Variants in GNPTAB observed in about 807,000 individuals in gnomAD.
GNPTAB encodes the protein N-acetylglucosamine-1-phosphotransferase subunits alpha/beta.
GNPTAB carries 92 observed loss-of-function variants against 136.6 expected under a neutral mutation model. The observed-to-expected ratio is 0.67, with a 90% CI of 0.57 to 0.80. GNPTAB has a LOEUF of 0.80. Ranked by LOEUF, GNPTAB falls within the 30% of genes least tolerant of loss-of-function variation. The probability of loss-of-function intolerance (pLI) is 0.00; values close to 1 mark genes in which losing one functional copy is unlikely to be tolerated. For missense variants in GNPTAB, 1,343 were observed against 1,501.8 expected, an observed-to-expected ratio of 0.89 and a Z score of 1.75; for synonymous variants, 512 against 535.1, an observed-to-expected ratio of 0.96 and a Z score of 0.60.
intron 1 of GNPTAB, among the ~76,000 whole-genome samples, chr12:101,800,604 CAAAAAAAA>C (rs58129963): frequency 2.8e-4 from 21 of 74,272 alleles, no homozygotes; most frequent in Admixed American, 6.8e-4. Flanking sequence ...ACTAAAAATA[CAAAAAAAA>C]AAAAAAAAAA....
chr12:101,793,389 A>C (rs1199536058), intron 2 of GNPTAB, among the ~76,000 whole-genome samples: 1 of 152,176 alleles, frequency 6.6e-6, no homozygotes, highest in Non-Finnish European at 1.5e-5. Flanking sequence ...CTTTCCTGTA[A>C]CTAAATATTT....
chr12:101,754,304 G>A (rs1480339633), intron 18 of GNPTAB, among the ~76,000 whole-genome samples: 2 of 152,050 alleles, frequency 1.3e-5, no homozygotes, highest in African/African-American at 2.4e-5. Context: ...TGGCATGCCT[G>A]TAATCCCAGC....
At chr12:101,749,854 C>T (rs983709294) in intron 19 of GNPTAB, among the ~76,000 whole-genome samples, 2 of 152,106 alleles carry the variant, frequency 1.3e-5, no homozygotes, top group Admixed American at 6.6e-5. Flanking sequence ...CAGGTGAAGG[C>T]GAGAGGGTAT....
Position 101,780,158 on chromosome 12 carries a change from G to C in GNPTAB, c.765C>G (p.Val255=), listed in dbSNP as rs768237599. 6.2e-7 allele frequency: 1 copy of C among 1,613,064 alleles called. No homozygotes were observed. The highest frequency in any genetic ancestry group is 8.5e-7 in the Non-Finnish European group (1 of 1,179,064). The change falls in exon 7 of 21, where the codon GTC becomes GTG. Residue 255 remains valine, a synonymous_variant. Coordinates refer to ENST00000299314, the MANE Select transcript of GNPTAB (RefSeq NM_024312.5). ...CTATTTTCTATGTTCTTACCAGTTT[G>C]ACTTTAGAGGAAAGATTTTCTGGCA... ...TKLPENLSSK[V]KLLQLYSEAS...
At chr12:101,821,961 A>G (rs1405609810) in intron 1 of GNPTAB, among the ~76,000 whole-genome samples, 1 of 152,198 alleles carries the variant, frequency 6.6e-6, no homozygotes, top group Non-Finnish European at 1.5e-5. Context: ...TGAAATGAGA[A>G]GCTCCCATTA....
At chr12:101,767,895 G>A in intron 11 of GNPTAB, 142 bp downstream of exon 11, 1 of 965,884 alleles carries the variant, frequency 1.0e-6, no homozygotes, top group Non-Finnish European at 1.6e-6. Context: ...TGGATTATAA[G>A]CATGAGCCAC....
intron 1 of GNPTAB, among the ~76,000 whole-genome samples, chr12:101,826,511 T>C (rs1452337809): frequency 2.0e-5 from 3 of 151,820 alleles, no homozygotes; most frequent in Admixed American, 1.3e-4. Context: ...TTTTAATTTT[T>C]TTTTTTTTTC....
intron 13 of GNPTAB, among the ~76,000 whole-genome samples, chr12:101,762,196 AATTTGGTTTCATCTT>A (rs1953007829): frequency 1.3e-5 from 2 of 152,368 alleles, no homozygotes; most frequent in Non-Finnish European, 2.9e-5. Context: ...ACTAGAAACA[AATTTGGTTTCATCTT>A]ATAATAGTTT....
intron 2 of GNPTAB, among the ~76,000 whole-genome samples, chr12:101,792,122 C>T (rs1869030146): frequency 1.3e-5 from 2 of 151,928 alleles, no homozygotes; most frequent in African/African-American, 4.8e-5. Flanking sequence ...ATAGGGAGAT[C>T]AGAGATGGCC....
rs1403063813 is a variant in GNPTAB at position 101,808,891 on chromosome 12, T to C, written c.118-12129A>G. Among the ~76,000 whole-genome samples, 3 of 152,202 alleles carry C rather than the reference T, an allele frequency of 2.0e-5. No homozygotes were observed. In the East Asian group the frequency reaches 5.8e-4, roughly 29 times the overall value. On this transcript the variant is annotated intron_variant, in intron 1 of 20. Coordinates refer to ENST00000299314, the MANE Select transcript of GNPTAB (RefSeq NM_024312.5). ...TGAACCCGGGAGGCGGAGGCTACGG[T>C]AAGCCAAGATTGCATCATTGCACTT...
At chr12:101,814,604 G>A (rs918953767) in intron 1 of GNPTAB, among the ~76,000 whole-genome samples, 7 of 151,958 alleles carry the variant, frequency 4.6e-5, no homozygotes, top group Non-Finnish European at 7.4e-5. Context: ...GGCTGAGCCA[G>A]GAGAATTGCT....
intron 1 of GNPTAB, among the ~76,000 whole-genome samples, chr12:101,828,494 C>A (rs1566104980): frequency 6.6e-6 from 1 of 152,116 alleles, no homozygotes. Context: ...CCCATCTCTA[C>A]TAAAAATACA....
At chr12:101,759,319 C>T (rs1302839450) in intron 16 of GNPTAB, among the ~76,000 whole-genome samples, 3 of 144,478 alleles carry the variant, frequency 2.1e-5, no homozygotes, top group South Asian at 2.2e-4. Context: ...GCCAAGATAG[C>T]GCCACTGCAC....
At chr12:101,796,124 C>T in intron 2 of GNPTAB, 1 of 671,732 alleles carries the variant, frequency 1.5e-6, no homozygotes. Context: ...GGGGTTCAGC[C>T]CCAGTGGTTT....
chr12:101,795,145 G>T (rs940569903), intron 2 of GNPTAB, among the ~76,000 whole-genome samples: 1 of 152,166 alleles, frequency 6.6e-6, no homozygotes, highest in Non-Finnish European at 1.5e-5. Context: ...TTTTCACAGT[G>T]GGGGCACCAG....
chr12:101,784,194 T>C (rs1868500889), intron 5 of GNPTAB, among the ~76,000 whole-genome samples: 1 of 152,136 alleles, frequency 6.6e-6, no homozygotes, highest in Non-Finnish European at 1.5e-5. Context: ...ATTACAGAAA[T>C]ACAGAAAAGT....
rs145655441 is a variant in GNPTAB at position 101,765,865 on chromosome 12, CAAACAAAACA to C, written c.1612+216_1612+225del. The C allele has an allele frequency of 6.5e-4, 332 of 511,152 alleles. 1 individual carries two copies. The highest frequency in any genetic ancestry group is 1.4e-3 in the Admixed American group (46 of 31,928). The allele number at this position is 511,152 out of a possible 1,614,324, so 31.7% of individuals were successfully genotyped here. ...TCAGCTAAGGTAAATCTGCTTGGTCCAAACAAAACAAAACAAAACAAAACACCAGACTGCA... is the reference window on the plus strand; with the variant it reads ...TCAGCTAAGGTAAATCTGCTTGGTCCAAACAAAACAAAACACCAGACTGCA... On this transcript the variant is annotated intron_variant, in intron 12 of 20. Coordinates refer to ENST00000299314, the MANE Select transcript of GNPTAB (RefSeq NM_024312.5).
intron 1 of GNPTAB, 150 bp from the exon 2 acceptor site, chr12:101,796,912 T>C: frequency 1.6e-6 from 1 of 630,594 alleles, no homozygotes; most frequent in Admixed American, 2.8e-5. Flanking sequence ...ATACATCGTG[T>C]TAGATCCAGG....
chr12:101,820,474 G>C (rs1050707092), intron 1 of GNPTAB, among the ~76,000 whole-genome samples: 1 of 152,022 alleles, frequency 6.6e-6, no homozygotes, highest in Non-Finnish European at 1.5e-5. Context: ...TTCTAATTCC[G>C]GATTTCTCAA....
Sources: gnomAD v4.1 joint callset for allele counts (sites outside exome capture counted in the v4.1 genomes callset) on GRCh38, gnomAD v4.1.1 for gene constraint, MANE v1.5 for transcripts, NCBI Gene and HGNC (gene_info 2026-07-23, HGNC 2026-07-21) for gene names.